The following ESRRB variants were observed in gnomAD, a reference collection of about 807,000 sequenced individuals.
The protein encoded by ESRRB is estrogen related receptor beta, also known as steroid hormone receptor ERR2.
ESRRB carries 16 observed loss-of-function variants against 46.0 expected under a neutral mutation model. That is an observed-to-expected ratio of 0.35 (90% CI 0.24 to 0.53). The LOEUF is 0.53. Among genes scored for constraint, ESRRB ranks in the 20% least tolerant of loss-of-function variants. The probability of loss-of-function intolerance (pLI) is 0.93; values close to 1 mark genes in which losing one functional copy is unlikely to be tolerated. For missense variants in ESRRB, 488 were observed against 607.4 expected (o/e 0.80, Z 2.07); for synonymous variants, 246 against 259.6 (o/e 0.95, Z 0.50).
intron 1 of ESRRB, among the ~76,000 whole-genome samples, chr14:76,395,907 G>A (rs1045153025): frequency 1.1e-4 from 16 of 152,080 alleles, no homozygotes; most frequent in Non-Finnish European, 1.9e-4. Flanking sequence ...GGGCATGGTG[G>A]CTGACGCCTG....
intron 2 of ESRRB, among the ~76,000 whole-genome samples, chr14:76,461,906 C>A (rs147051777): frequency 6.6e-6 from 1 of 152,188 alleles, no homozygotes; most frequent in Non-Finnish European, 1.5e-5. Flanking sequence ...ATGACCCCCT[C>A]GCATTGAATA....
intron 2 of ESRRB, among the ~76,000 whole-genome samples, chr14:76,460,646 G>C (rs117590606): frequency 6.6e-6 from 1 of 152,150 alleles, no homozygotes; most frequent in Non-Finnish European, 1.5e-5. Flanking sequence ...GACAGGAGTC[G>C]AAGAGACACA....
chr14:76,397,878 T>C (rs567694209), intron 1 of ESRRB, among the ~76,000 whole-genome samples: 1 of 152,346 alleles, frequency 6.6e-6, no homozygotes, highest in African/African-American at 2.4e-5. Context: ...GGTATGTGCA[T>C]GCAAAGTTGA....
At chr14:76,473,577 G>C (rs2921451) in intron 3 of ESRRB, among the ~76,000 whole-genome samples, 1 of 152,072 alleles carries the variant, frequency 6.6e-6, no homozygotes, top group Non-Finnish European at 1.5e-5. Flanking sequence ...TAGTGCCCGG[G>C]TGTAAAAGAA....
intron 2 of ESRRB, among the ~76,000 whole-genome samples, chr14:76,461,766 T>C (rs1439723336): frequency 2.6e-5 from 4 of 152,102 alleles, no homozygotes; most frequent in Non-Finnish European, 5.9e-5. Flanking sequence ...CAACCTCGGC[T>C]TCCCAAAGTG....
chr14:76,483,763 CCGTTTT>C (rs1372066093), intron 5 of ESRRB, among the ~76,000 whole-genome samples: 1 of 152,178 alleles, frequency 6.6e-6, no homozygotes, highest in Non-Finnish European at 1.5e-5. Context: ...GTCTGTAGAT[CCGTTTT>C]TGGTTTGTCA....
chr14:76,442,424 C>T (rs1366286933), intron 2 of ESRRB, among the ~76,000 whole-genome samples: 1 of 151,720 alleles, frequency 6.6e-6, no homozygotes, highest in African/African-American at 2.4e-5. Context: ...TGCAGTGAGC[C>T]GAGATGGCAC....
intron 1 of ESRRB, among the ~76,000 whole-genome samples, chr14:76,335,246 C>T (rs2139744924): frequency 6.6e-6 from 1 of 152,306 alleles, no homozygotes; most frequent in South Asian, 2.1e-4. Context: ...TCATTGTCTG[C>T]ACCACTGCCT....
chr14:76,443,453 A>G (rs1431513780), intron 2 of ESRRB, among the ~76,000 whole-genome samples: 1 of 151,974 alleles, frequency 6.6e-6, no homozygotes, highest in Non-Finnish European at 1.5e-5. Context: ...GCCAAGAATG[A>G]GAACCTCCAG....
At chr14:76,490,139 C>T (rs1238499107) in intron 5 of ESRRB, among the ~76,000 whole-genome samples, 1 of 152,204 alleles carries the variant, frequency 6.6e-6, no homozygotes, top group Admixed American at 6.5e-5. Context: ...ATGTCAGTTA[C>T]CCATAGTGCA....
At chr14:76,402,410 C>G (rs1485789823) in intron 1 of ESRRB, among the ~76,000 whole-genome samples, 3 of 152,134 alleles carry the variant, frequency 2.0e-5, no homozygotes, top group Non-Finnish European at 4.4e-5. Context: ...CTTGTTCACT[C>G]AAGTGTTTTC....
At position 76,393,715 on chromosome 14, in the gene ESRRB, G is replaced by T. The variant is rs201399909; in HGVS notation, c.50+17264G>T. Among the ~76,000 whole-genome samples the T allele has an allele frequency of 3.3e-5, 5 of 152,202 alleles. No individual in the cohort carries two copies. In the East Asian group the frequency reaches 9.7e-4, roughly 29 times the overall value. ...GATGCCTGCAAGACTTGAATCAGAG[G>T]CACTGTTCTGAGGGCGGAAGGACCT... is the stretch of plus-strand genomic sequence containing the variant. On this transcript the variant is annotated intron_variant, in intron 1 of 6. Coordinates refer to ENST00000644823, the MANE Select transcript of ESRRB (RefSeq NM_001379180.1).
rs191242784 is a variant in ESRRB, at chr14:76,411,900, T to A, written c.51-27441T>A. Among the ~76,000 whole-genome samples, 445 of 152,360 alleles carry A rather than the reference T, an allele frequency of 2.9e-3. 2 individuals are homozygous for A. The highest frequency in any genetic ancestry group is 9.9e-3 in the African/African-American group (411 of 41,578). On this transcript the variant is annotated intron_variant, in intron 1 of 6. Transcript: ENST00000644823. Reference sequence around the variant, plus strand: ...ACTATTATTTAATATTTAATATTTTTAAACAATCTGTGTAATAAGCTGGTA... The same window carrying A: ...ACTATTATTTAATATTTAATATTTTAAAACAATCTGTGTAATAAGCTGGTA...
chr14:76,399,260 C>T (rs1467300812), intron 1 of ESRRB, among the ~76,000 whole-genome samples: 1 of 152,190 alleles, frequency 6.6e-6, no homozygotes, highest in Non-Finnish European at 1.5e-5. Context: ...CATCAGGAAG[C>T]TCCCTGTGAC....
At chr14:76,445,482 A>AAAAAAAAG (rs1555398182) in intron 2 of ESRRB, among the ~76,000 whole-genome samples, 1 of 120,072 alleles carries the variant, frequency 8.3e-6, no homozygotes, top group African/African-American at 4.3e-5. Context: ...AAAAAAAAAA[A>AAAAAAAAG]AAAGAAAGAA....
chr14:76,383,895 G>C (rs1347855341), intron 1 of ESRRB, among the ~76,000 whole-genome samples: 2 of 152,188 alleles, frequency 1.3e-5, no homozygotes, highest in East Asian at 1.9e-4. Context: ...CAGGTGGTCT[G>C]TTTGTTATCT....
intron 1 of ESRRB, among the ~76,000 whole-genome samples, chr14:76,349,117 C>T (rs1884284294): frequency 6.6e-6 from 1 of 152,194 alleles, no homozygotes; most frequent in South Asian, 2.1e-4. Flanking sequence ...CCAGGGGGGT[C>T]ACAGAGCCAA....
chr14:76,429,675 G>T (rs932687800), intron 1 of ESRRB, among the ~76,000 whole-genome samples: 3 of 152,110 alleles, frequency 2.0e-5, no homozygotes, highest in Admixed American at 2.0e-4. Context: ...GCTTGAACCC[G>T]GGAGGTAGTG....
intron 5 of ESRRB, among the ~76,000 whole-genome samples, chr14:76,484,508 G>A (rs1019944380): frequency 2.0e-5 from 3 of 152,240 alleles, no homozygotes; most frequent in East Asian, 1.9e-4. Flanking sequence ...CCCTGCCCCC[G>A]CCCCACACTC....
Sources: allele counts gnomAD v4.1 joint callset (sites outside exome capture counted in the v4.1 genomes callset), GRCh38; gene constraint gnomAD v4.1.1; transcripts MANE v1.5; gene names NCBI Gene and HGNC (gene_info 2026-07-23, HGNC 2026-07-21).